The following MICALL2 variants were observed in gnomAD, a reference collection of about 807,000 sequenced individuals.
MICALL2 encodes the protein MICAL-like protein 2.
MICALL2 carries 111 observed loss-of-function variants against 91.1 expected under a neutral mutation model. The ratio of observed to expected loss-of-function variants is 1.22; its 90% confidence interval spans 1.04 to 1.43. MICALL2 has a LOEUF of 1.43. MICALL2 is among the 40% of genes most tolerant of loss of function. The pLI, the probability that MICALL2 is intolerant of heterozygous loss-of-function variation, is 0.00. For synonymous variants in MICALL2, 694 were observed against 525.3 expected, an observed-to-expected ratio of 1.32 and a Z score of -4.39; for missense variants, 1,556 against 1,236.0, an observed-to-expected ratio of 1.26 and a Z score of -3.88.
intron 10 of MICALL2, 69 bp downstream of exon 10, chr7:1,438,771 G>A (rs4307248): frequency 0.17 from 264,503 of 1,531,016 alleles, 24,252 homozygotes; most frequent in Admixed American, 0.29. Flanking sequence ...GCCCCAGCAG[G>A]CATTGCCTCC....
At chr7:1,436,978 G>A (rs1298570001) in intron 14 of MICALL2, 122 bp from the exon 15 acceptor site, 4 of 655,948 alleles carry the variant, frequency 6.1e-6, no homozygotes, top group African/African-American at 1.9e-5. Context: ...GGGTCTTGGG[G>A]GGATCCGGAG....
intron 8 of MICALL2, chr7:1,440,374 C>T (rs1043269351): frequency 2.7e-5 from 17 of 628,864 alleles, no homozygotes; most frequent in Non-Finnish European, 3.9e-5. Context: ...TGAACCCACA[C>T]GGGTGCTGCC....
Position 1,448,632 on chromosome 7 carries a change from C to T in MICALL2, c.322G>A (p.Gly108Ser), listed in dbSNP as rs779199787. 14 of 1,612,582 alleles carry T rather than the reference C, an allele frequency of 8.7e-6. No homozygotes were observed. The East Asian group carries it at 2.9e-4, about 33-fold the overall frequency. The change falls in exon 3 of 17, where the codon GGC (glycine) becomes AGC (serine). Residue 108 changes from glycine (G) to serine (S), a missense_variant. Physicochemically the swap from Gly to Ser is moderately conservative, Grantham distance 56 (BLOSUM62 0). Transcript: ENST00000297508. ...YVSQYYNYFH[G>S]RSPIGGMAGV... ...GGCAGGGACTCACTGGGGGAGCGGC[C>T]GTGGAAGTAGTTGTAATACTGGGAC...
At chr7:1,449,370 C>T (rs912155997) in intron 2 of MICALL2, among the ~76,000 whole-genome samples, 5 of 152,280 alleles carry the variant, frequency 3.3e-5, no homozygotes, top group African/African-American at 9.6e-5. Context: ...CAGGCTGGAG[C>T]GCAGCGTCAG....
chr7:1,437,673 C>T, intron 13 of MICALL2, 65 bp from the exon 14 acceptor site: 4 of 1,483,374 alleles, frequency 2.7e-6, no homozygotes, highest in Non-Finnish European at 9.1e-7. Flanking sequence ...GCCCGCCCAG[C>T]CCGCAACGAG....
intron 16 of MICALL2, 25 bp downstream of exon 16, chr7:1,435,076 C>A (rs1422845802): frequency 6.2e-7 from 1 of 1,611,206 alleles, no homozygotes; most frequent in African/African-American, 1.3e-5. Context: ...GCCAGCCCAG[C>A]CCTCAGCATC....
chr7:1,449,528 G>A (rs1340403256), intron 2 of MICALL2, among the ~76,000 whole-genome samples: 4 of 152,228 alleles, frequency 2.6e-5, no homozygotes, highest in Admixed American at 1.3e-4. Flanking sequence ...TGTAATTTTA[G>A]TTCATTTTAA....
chr7:1,439,713 G>A lies in MICALL2; in HGVS notation c.1966+212C>T, dbSNP rs72503890. 3.9e-5 allele frequency: 17 copies of A among 437,324 alleles called. No homozygotes were observed. In the East Asian group the frequency reaches 6.1e-4, roughly 16 times the overall value. The allele number at this position is 437,324 out of a possible 1,614,324, so 27.1% of individuals were successfully genotyped here. Reference sequence around the variant, plus strand: ...CACACATGCATCACGCATGGATACAGGCATCACATACATGAACACATGCAC... The same window carrying A: ...CACACATGCATCACGCATGGATACAAGCATCACATACATGAACACATGCAC... On this transcript the variant is annotated intron_variant, in intron 9 of 16. Coordinates refer to ENST00000297508, the MANE Select transcript of MICALL2 (RefSeq NM_182924.4).
rs983701518 is a variant in MICALL2, at chr7:1,451,662, G to C, written c.144-1374C>G. ...TGCAAGCCGTGTCCTGCCTCACCCC[G>C]GCCTGCATGTCTGACCCCGGCCAGC... On this transcript the variant is annotated intron_variant, in intron 1 of 16. Coordinates refer to ENST00000297508, the MANE Select transcript of MICALL2 (RefSeq NM_182924.4). This position sits in a 1 kb window ranked among gnomAD's most constrained non-coding sequence, Gnocchi z 4.5. 6.6e-6 allele frequency among the ~76,000 whole-genome samples: 1 copy of C among 151,988 alleles called. No homozygotes were observed. Among genetic ancestry groups the C allele is most frequent in the Non-Finnish European group, 1.5e-5 (1 of 67,966 alleles).
chr7:1,452,933 T>C lies in MICALL2; in HGVS notation c.144-2645A>G, dbSNP rs1160740050. ...GGCCCTCCAGCCTCCAGACCATGGC[T>C]CCACTCTCCCGGCACAGAACAGCTT... On this transcript the variant is annotated intron_variant, in intron 1 of 16. Coordinates refer to ENST00000297508, the MANE Select transcript of MICALL2 (RefSeq NM_182924.4). This position sits in a 1 kb window ranked among gnomAD's most constrained non-coding sequence, Gnocchi z 6.2. Among the ~76,000 whole-genome samples, 1 of 151,596 alleles carries C rather than the reference T, an allele frequency of 6.6e-6. No homozygotes were observed. Among genetic ancestry groups the C allele is most frequent in the African/African-American group, 2.4e-5 (1 of 41,222 alleles).
intron 3 of MICALL2, chr7:1,448,033 G>A (rs985553044): frequency 4.2e-5 from 8 of 188,612 alleles, no homozygotes; most frequent in Non-Finnish European, 6.5e-5. Flanking sequence ...CCCTGTGCCC[G>A]GAATGGTTCT....
chr7:1,448,479 G>T, intron 3 of MICALL2, 141 bp downstream of exon 3: 1 of 760,562 alleles, frequency 1.3e-6, no homozygotes, highest in Non-Finnish European at 2.2e-6. Context: ...CACAGCCAGT[G>T]CACAGCCCCG....
intron 6 of MICALL2, among the ~76,000 whole-genome samples, chr7:1,443,359 C>A (rs764043864): frequency 2.6e-5 from 4 of 152,034 alleles, no homozygotes; most frequent in Non-Finnish European, 5.9e-5. Flanking sequence ...CTGACCACTG[C>A]GGGGGCAGGA....
At chr7:1,435,471 G>A (rs1013165553) in intron 15 of MICALL2, among the ~76,000 whole-genome samples, 3 of 151,202 alleles carry the variant, frequency 2.0e-5, no homozygotes, top group East Asian at 2.0e-4. Flanking sequence ...GGCCTGGGCC[G>A]ACCACACCGG....
At chr7:1,437,686 C>T (rs116525940) in intron 13 of MICALL2, 78 bp from the exon 14 acceptor site, 41,888 of 1,438,588 alleles carry the variant, frequency 0.029, 689 homozygotes, top group Middle Eastern at 0.07. Flanking sequence ...GCAACGAGGT[C>T]CTGGACCTGC....
intron 1 of MICALL2, among the ~76,000 whole-genome samples, chr7:1,456,584 T>C (rs1407583245): frequency 6.7e-6 from 1 of 149,472 alleles, no homozygotes; most frequent in Non-Finnish European, 1.5e-5. Context: ...AGACTCTGTC[T>C]CAAATAAATA....
chr7:1,438,250 G>C, intron 11 of MICALL2, 30 bp from the exon 12 acceptor site: 1 of 1,588,948 alleles, frequency 6.3e-7, no homozygotes, highest in Non-Finnish European at 8.6e-7. Context: ...GAGGATGCCG[G>C]AGGGCTGGGC....
At chr7:1,456,741 A>G (rs551080120) in intron 1 of MICALL2, among the ~76,000 whole-genome samples, 2 of 152,320 alleles carry the variant, frequency 1.3e-5, no homozygotes, top group African/African-American at 4.8e-5. Context: ...ACTGCACTCC[A>G]GCCTGGGCGA....
chr7:1,446,775 C>G lies in MICALL2; in HGVS notation c.579G>C (p.Lys193Asn). 1 of 1,608,314 alleles carries G rather than the reference C, an allele frequency of 6.2e-7. No individual in the cohort carries two copies. Among genetic ancestry groups the G allele is most frequent in the Non-Finnish European group, 8.5e-7 (1 of 1,178,096 alleles). Residue 193 changes from lysine to asparagine, a missense_variant, in exon 5 of 17, where the codon AAG becomes AAC. Physicochemically the swap from Lys to Asn is moderately conservative, Grantham distance 94. Transcript: ENST00000297508. ...LVSSTCGVCGKHVHLVQRHLA... is the reference protein window; with the variant it reads ...LVSSTCGVCGNHVHLVQRHLA... ...GGTGCCGCTGTACCAGGTGCACGTG[C>G]TTGCCGCAGACCCCGCAGGTGCTGC...
Sources: allele counts gnomAD v4.1 joint callset (sites outside exome capture counted in the v4.1 genomes callset), GRCh38; gene constraint gnomAD v4.1.1; non-coding constraint Gnocchi (gnomAD v3.1); transcripts MANE v1.5; gene names NCBI Gene and HGNC (gene_info 2026-07-23, HGNC 2026-07-21).